SRGAP1: variants seen among roughly 807,000 people sequenced by gnomAD.
SRGAP1 encodes the protein SLIT-ROBO Rho GTPase activating protein 1, also known as SLIT-ROBO Rho GTPase-activating protein 1.
SRGAP1 carries 43 observed loss-of-function variants against 121.9 expected under a neutral mutation model. The observed-to-expected ratio is 0.35, with a 90% CI of 0.28 to 0.46. The LOEUF (loss-of-function observed/expected upper bound fraction) is 0.46. Among genes scored for constraint, SRGAP1 ranks in the 20% least tolerant of loss-of-function variants. The pLI is 1.00. For synonymous variants in SRGAP1, 447 were observed against 485.4 expected (o/e 0.92, Z 1.04); for missense variants, 1,102 against 1,350.9 (o/e 0.82, Z 2.89).
At chr12:63,949,399 A>T (rs868517981) in intron 1 of SRGAP1, among the ~76,000 whole-genome samples, 564 of 7,770 alleles carry the variant, frequency 0.073, 4 homozygotes, top group African/African-American at 0.15. Flanking sequence ...TTTATTATTT[A>T]TTATTATTAT....
intron 1 of SRGAP1, among the ~76,000 whole-genome samples, chr12:63,923,078 C>T (rs2031127196): frequency 6.6e-6 from 1 of 152,190 alleles, no homozygotes; most frequent in African/African-American, 2.4e-5. Flanking sequence ...TCCTACTCAC[C>T]TACTTAACTC....
chr12:64,066,665 C>T lies in SRGAP1; in HGVS notation c.1125+1446C>T, dbSNP rs193186799. Among the ~76,000 whole-genome samples the T allele has an allele frequency of 1.4e-4, 21 of 152,144 alleles. No homozygotes were observed. The East Asian group carries it at 3.3e-3, about 24-fold the overall frequency. On this transcript the variant is annotated intron_variant, in intron 8 of 21. Transcript: ENST00000355086. ...TTGTAATTTTTGGCTTCTATTATTC[C>T]GAGTAGAAACAAACTAGCCCTTATT...
intron 6 of SRGAP1, among the ~76,000 whole-genome samples, chr12:64,053,273 A>G (rs2035274137): frequency 6.6e-6 from 1 of 152,200 alleles, no homozygotes; most frequent in Admixed American, 6.5e-5. Context: ...ACTCAACTCT[A>G]GTGCAAAAGT....
chr12:63,913,839 G>C (rs2030661544), intron 1 of SRGAP1, among the ~76,000 whole-genome samples: 1 of 151,762 alleles, frequency 6.6e-6, no homozygotes, highest in African/African-American at 2.4e-5. Context: ...AAAAATTGGA[G>C]ATTGCATTTT....
Position 63,868,056 on chromosome 12 carries a change from ATTTTTTTTTTTTTTTTT to A in SRGAP1, c.67+23179_67+23195del, listed in dbSNP as rs1219689164. Among the ~76,000 whole-genome samples, 6 of 57,868 alleles carry A rather than the reference ATTTTTTTTTTTTTTTTT, an allele frequency of 1.0e-4. No individual in the cohort carries two copies. In the East Asian group the frequency reaches 5.5e-3, roughly 53 times the overall value. The allele number at this position is 57,868 out of a possible 152,430, so 38.0% of individuals were successfully genotyped here. A position where few individuals can be genotyped will look rare whatever the true frequency, so the allele number is the denominator to read the frequency against. Reference sequence around the variant, plus strand: ...TTTCCATATATATATATATATATATATTTTTTTTTTTTTTTTTTTTTTGTTTTTTTTTTTTTGTTTTT... The same window carrying A: ...TTTCCATATATATATATATATATATATTTTTGTTTTTTTTTTTTTGTTTTT... On this transcript the variant is annotated intron_variant, in intron 1 of 21. Transcript: ENST00000355086.
intron 3 of SRGAP1, among the ~76,000 whole-genome samples, chr12:64,014,544 G>A (rs928168256): frequency 1.3e-5 from 2 of 152,012 alleles, no homozygotes; most frequent in African/African-American, 4.8e-5. Context: ...AAAATAATTT[G>A]GCACAACAAA....
intron 1 of SRGAP1, among the ~76,000 whole-genome samples, chr12:63,937,697 G>C (rs1031966600): frequency 6.6e-5 from 10 of 152,180 alleles, no homozygotes; most frequent in African/African-American, 2.4e-4. Context: ...GCCTTTTGTA[G>C]CTTCTTAATG....
intron 12 of SRGAP1, among the ~76,000 whole-genome samples, chr12:64,094,399 A>G (rs2036115012): frequency 6.6e-6 from 1 of 152,184 alleles, no homozygotes; most frequent in African/African-American, 2.4e-5. Flanking sequence ...CAATGTATGA[A>G]TGAAAAATCT....
At chr12:63,859,867 C>A (rs572574821) in intron 1 of SRGAP1, among the ~76,000 whole-genome samples, 2 of 152,208 alleles carry the variant, frequency 1.3e-5, no homozygotes, top group African/African-American at 2.4e-5. Context: ...AATAAATATT[C>A]ATGATAATTT....
rs2037015715 is a variant in SRGAP1, at chr12:64,144,307, C to G, written c.*1635C>G. On this transcript the variant is annotated 3_prime_UTR_variant, in exon 22 of 22. Coordinates refer to ENST00000355086, the MANE Select transcript of SRGAP1 (RefSeq NM_020762.4). ...CCTCTGGCCCACCATTAATTTCCTT[C>G]TTGGTTTCATTTCAAACTGGCAGCC... The G allele has an allele frequency of 6.6e-6, 1 of 151,732 alleles. No homozygotes were observed. The highest frequency in any genetic ancestry group is 1.5e-5 in the Non-Finnish European group (1 of 67,984). The allele number at this position is 151,732 out of a possible 1,614,324, so 9.4% of individuals were successfully genotyped here. A position where few individuals can be genotyped will look rare whatever the true frequency, so the allele number is the denominator to read the frequency against.
chr12:63,953,755 A>G (rs2032371814), intron 1 of SRGAP1, among the ~76,000 whole-genome samples: 1 of 152,050 alleles, frequency 6.6e-6, no homozygotes. Context: ...GTTAAAGGAA[A>G]CCATTCCTTC....
In SRGAP1 at chr12:64,157,111, C is replaced by T. The variant is rs757813221; in HGVS notation, c.*14439C>T. ...CCTTCCCATAGAGTGAGGTGGCTTT[C>T]CCACCCCTCAACACTCCTTCAGACC... On this transcript the variant is annotated 3_prime_UTR_variant, in exon 22 of 22. Transcript: ENST00000355086. The T allele has an allele frequency of 6.6e-6, 1 of 152,126 alleles. No homozygotes were observed. 9.4% of individuals were successfully genotyped at this position (152,126 alleles called of 1,614,324 possible).
At chr12:63,911,115 C>G (rs766431768) in intron 1 of SRGAP1, among the ~76,000 whole-genome samples, 1 of 151,960 alleles carries the variant, frequency 6.6e-6, no homozygotes, top group South Asian at 2.1e-4. Context: ...CTGGCTAAAA[C>G]GGTGAAACCC....
intron 1 of SRGAP1, among the ~76,000 whole-genome samples, chr12:63,855,007 A>G (rs1899191119): frequency 6.6e-6 from 1 of 152,198 alleles, no homozygotes; most frequent in South Asian, 2.1e-4. Flanking sequence ...TAGTTAAAGA[A>G]GAGGCTAAGC....
chr12:64,061,130 AT>A (rs2035443607), intron 6 of SRGAP1, among the ~76,000 whole-genome samples: 1 of 152,170 alleles, frequency 6.6e-6, no homozygotes, highest in African/African-American at 2.4e-5. Flanking sequence ...TTCAAGTCAT[AT>A]TCTCTTAAAA....
At chr12:63,927,482 CCT>C (rs1372420149) in intron 1 of SRGAP1, among the ~76,000 whole-genome samples, 3 of 152,196 alleles carry the variant, frequency 2.0e-5, no homozygotes, top group Admixed American at 6.5e-5. Context: ...CTGCATATTC[CCT>C]GTTTCTGACC....
At chr12:63,882,992 G>A (rs1900247187) in intron 1 of SRGAP1, among the ~76,000 whole-genome samples, 1 of 152,228 alleles carries the variant, frequency 6.6e-6, no homozygotes. Flanking sequence ...GAGATATCCA[G>A]TTACAGCTCA....
In SRGAP1 at chr12:64,003,550, C is replaced by A. The variant is rs200653778; in HGVS notation, c.427-13400C>A. The stretch of plus-strand genomic sequence containing the variant: ...AAAAATGCTATAACTAAAACAACAA[C>A]AAAAAAATTCATTAGATAGACTCAA... On this transcript the variant is annotated intron_variant, in intron 3 of 21. Coordinates refer to ENST00000355086, the MANE Select transcript of SRGAP1 (RefSeq NM_020762.4). 1.7e-4 allele frequency among the ~76,000 whole-genome samples: 19 copies of A among 110,994 alleles called. No individual in the cohort carries two copies. In the East Asian group the frequency reaches 2.8e-3, roughly 16 times the overall value. The allele number at this position is 110,994 out of a possible 152,430, so 72.8% of individuals were successfully genotyped here.
At chr12:63,906,491 T>C (rs2030216205) in intron 1 of SRGAP1, among the ~76,000 whole-genome samples, 1 of 152,042 alleles carries the variant, frequency 6.6e-6, no homozygotes, top group Non-Finnish European at 1.5e-5. Context: ...TTTTTTGTAT[T>C]TTTAGTAGAG....
Sources: gnomAD v4.1 joint callset for allele counts (sites outside exome capture counted in the v4.1 genomes callset) on GRCh38, gnomAD v4.1.1 for gene constraint, MANE v1.5 for transcripts, NCBI Gene and HGNC (gene_info 2026-07-23, HGNC 2026-07-21) for gene names.